Variants in APIP observed in about 807,000 individuals in gnomAD.
APIP encodes APAF1 interacting protein.
A neutral mutation model predicts 32.0 loss-of-function variants in APIP; 32 were observed. The observed-to-expected ratio is 1.00, with a 90% CI of 0.76 to 1.34. APIP has a LOEUF of 1.34. Ranked by LOEUF, APIP falls within the 40% of genes most tolerant of loss-of-function variation. The probability of loss-of-function intolerance (pLI) is 0.00; values close to 1 mark genes in which losing one functional copy is unlikely to be tolerated. For synonymous variants in APIP, 92 were observed against 94.8 expected (o/e 0.97, Z 0.17); for missense variants, 247 against 298.6 (o/e 0.83, Z 1.27).
chr11:34,890,749 T>A, intron 2 of APIP, 197 bp from the exon 3 acceptor site: 1 of 428,992 alleles, frequency 2.3e-6, no homozygotes, highest in Admixed American at 4.3e-5. Context: ...CATTGTAGAA[T>A]ATTAGTTGTT....
Position 34,895,129 on chromosome 11 carries a change from A to AT in APIP, c.58-20dup, listed in dbSNP as rs760244671. 4.5e-5 allele frequency: 71 copies of AT among 1,593,846 alleles called. No individual in the cohort carries two copies. Among genetic ancestry groups the AT allele is most frequent in the South Asian group, 6.6e-5 (6 of 90,530 alleles). ...CCTTGTCCTTAAAAAGAAGGTAATG[A>AT]TTTTTAAAACAGACATCATTTTATC... On this transcript the variant is annotated intron_variant, in intron 1 of 6. Transcript: ENST00000395787.
intron 1 of APIP, among the ~76,000 whole-genome samples, chr11:34,915,654 G>C (rs1853661610): frequency 6.6e-6 from 1 of 152,176 alleles, no homozygotes; most frequent in Non-Finnish European, 1.5e-5. Flanking sequence ...TGCAGCGTGA[G>C]GGTGGATTTC....
intron 5 of APIP, among the ~76,000 whole-genome samples, chr11:34,887,318 T>C (rs1373476402): frequency 2.0e-5 from 3 of 152,194 alleles, no homozygotes; most frequent in Non-Finnish European, 1.5e-5. Flanking sequence ...ATGAAACTGA[T>C]AGTACCCATA....
Position 34,916,316 on chromosome 11 carries a change from T to C in APIP, c.-32A>G, listed in dbSNP as rs761422179. ...GACCAGGGACCCGCGCGGCCTCCAATCTCCGCACGGCTTTGCGCGCGGCGC... is the reference window on the plus strand; with the variant it reads ...GACCAGGGACCCGCGCGGCCTCCAACCTCCGCACGGCTTTGCGCGCGGCGC... On this transcript the variant is annotated 5_prime_UTR_variant, in exon 1 of 7. Transcript: ENST00000395787. 1.6e-5 allele frequency: 25 copies of C among 1,609,190 alleles called. No homozygotes were observed. The highest frequency in any genetic ancestry group is 2.1e-5 in the Non-Finnish European group (25 of 1,178,136).
rs769542379 is a variant in APIP, at chr11:34,890,491, C to T, written c.207+13G>A. ...AGAAAAGACACTGAGGTTAAAGAAT[C>T]CCATTACCATACCTGAATTCGTTCC... On this transcript the variant is annotated intron_variant, in intron 3 of 6. Coordinates refer to ENST00000395787, the MANE Select transcript of APIP (RefSeq NM_015957.4). The T allele has an allele frequency of 6.2e-7, 1 of 1,605,080 alleles. No individual in the cohort carries two copies. Among genetic ancestry groups the T allele is most frequent in the Non-Finnish European group, 8.5e-7 (1 of 1,175,998 alleles).
intron 5 of APIP, among the ~76,000 whole-genome samples, chr11:34,886,494 T>C (rs1291222333): frequency 3.3e-5 from 5 of 152,100 alleles, no homozygotes; most frequent in Admixed American, 2.6e-4. Context: ...CTGAGGTTAT[T>C]ATTAAGAAAT....
intron 2 of APIP, 69 bp from the exon 3 acceptor site, chr11:34,890,621 T>A: frequency 6.6e-7 from 1 of 1,507,820 alleles, no homozygotes. Flanking sequence ...AAGTTTGCAG[T>A]CCAATCATGC....
chr11:34,895,246 A>C (rs1289984065), intron 1 of APIP, 136 bp from the exon 2 acceptor site: 1 of 709,822 alleles, frequency 1.4e-6, no homozygotes, highest in South Asian at 1.9e-5. Flanking sequence ...GAAGGAAAAA[A>C]CTATTACAAA....
chr11:34,908,467 A>G (rs1225249170), intron 1 of APIP, among the ~76,000 whole-genome samples: 1 of 152,130 alleles, frequency 6.6e-6, no homozygotes, highest in Non-Finnish European at 1.5e-5. Flanking sequence ...TTGTCTCTCT[A>G]TGCATCTTGG....
chr11:34,893,504 T>C (rs1020274953), intron 2 of APIP, among the ~76,000 whole-genome samples: 37 of 152,212 alleles, frequency 2.4e-4, no homozygotes, highest in Non-Finnish European at 3.2e-4. Flanking sequence ...GTTGTTATCG[T>C]AGGATTTGCT....
Position 34,888,445 on chromosome 11 carries a change from A to C in APIP, c.326-17T>G. The C allele has an allele frequency of 1.9e-6, 3 of 1,602,736 alleles. No individual in the cohort carries two copies. The highest frequency in any genetic ancestry group is 1.1e-5 in the South Asian group (1 of 87,632). On this transcript the variant is annotated splice_polypyrimidine_tract_variant and intron_variant, in intron 4 of 6. Coordinates refer to ENST00000395787, the MANE Select transcript of APIP (RefSeq NM_015957.4). ...CACCTGCTCCTGAAGGAGGAAGAAG[A>C]AAGCCGCATGCTCAATGAAGACTGA...
intron 1 of APIP, among the ~76,000 whole-genome samples, chr11:34,910,462 A>G (rs1485567792): frequency 6.6e-6 from 1 of 152,240 alleles, no homozygotes; most frequent in African/African-American, 2.4e-5. Flanking sequence ...TTTCTGTTAC[A>G]TGCTAACGGG....
chr11:34,893,057 G>A (rs966519975), intron 2 of APIP, among the ~76,000 whole-genome samples: 1 of 152,082 alleles, frequency 6.6e-6, no homozygotes, highest in African/African-American at 2.4e-5. Flanking sequence ...AAGAACTAAG[G>A]ATAAAGCATT....
chr11:34,903,860 C>T (rs1310977337), intron 1 of APIP, among the ~76,000 whole-genome samples: 2 of 152,180 alleles, frequency 1.3e-5, no homozygotes, highest in Non-Finnish European at 2.9e-5. Flanking sequence ...CACTTGCCAG[C>T]CTCCAGCCAA....
At chr11:34,886,965 C>T (rs1488093121) in intron 5 of APIP, among the ~76,000 whole-genome samples, 1 of 152,114 alleles carries the variant, frequency 6.6e-6, no homozygotes, top group Non-Finnish European at 1.5e-5. Flanking sequence ...TAAAGCTGTT[C>T]TTTATATAAA....
intron 1 of APIP, 56 bp downstream of exon 1, chr11:34,916,172 G>A (rs1853682389): frequency 1.3e-6 from 2 of 1,574,042 alleles, no homozygotes; most frequent in South Asian, 2.3e-5. Context: ...CAGCCGCCGG[G>A]TCCCGCCTGG....
rs1310078778 is a variant in APIP, at chr11:34,888,338, T to A, written c.416A>T (p.Glu139Val). The A allele has an allele frequency of 6.2e-7, 1 of 1,610,542 alleles. No homozygotes were observed. Among genetic ancestry groups the A allele is most frequent in the Non-Finnish European group, 8.5e-7 (1 of 1,178,458 alleles). Residue 139 changes from glutamate (E) to valine (V), a missense_variant, in exon 5 of 7, where the codon GAG becomes GTG. Physicochemically the swap from Glu to Val is moderately radical, Grantham distance 121. Coordinates refer to ENST00000395787, the MANE Select transcript of APIP (RefSeq NM_015957.4). ...PGREFKITHQ[E>V]MIKGIKKCTS... ...ACATTTCTTTATTCCTTTTATCATC[T>A]CTTGATGTGTAATTTTAAACTCCCG...
chr11:34,882,645 A>C lies in APIP; in HGVS notation c.*72T>G. ...ATCATGAAAAATTTCAATTCATTTAAAAAAATAGCTTTCATTTAAATAATA... is the reference window on the plus strand; with the variant it reads ...ATCATGAAAAATTTCAATTCATTTACAAAAATAGCTTTCATTTAAATAATA... On this transcript the variant is annotated 3_prime_UTR_variant, in exon 7 of 7. Coordinates refer to ENST00000395787, the MANE Select transcript of APIP (RefSeq NM_015957.4). 8.2e-7 allele frequency: 1 copy of C among 1,219,788 alleles called. No individual in the cohort carries two copies. Among genetic ancestry groups the C allele is most frequent in the Non-Finnish European group, 1.1e-6 (1 of 871,966 alleles). The allele number at this position is 1,219,788 out of a possible 1,614,324, so 75.6% of individuals were successfully genotyped here.
At chr11:34,906,647 G>A (rs541277456) in intron 1 of APIP, among the ~76,000 whole-genome samples, 3 of 152,212 alleles carry the variant, frequency 2.0e-5, no homozygotes, top group Admixed American at 6.5e-5. Flanking sequence ...CCTCACAGCT[G>A]AAGTAGGAGG....
Sources: allele counts gnomAD v4.1 joint callset (sites outside exome capture counted in the v4.1 genomes callset), GRCh38; gene constraint gnomAD v4.1.1; transcripts MANE v1.5; gene names NCBI Gene and HGNC (gene_info 2026-07-23, HGNC 2026-07-21).